Variants in SPOCK1 observed in about 807,000 individuals in gnomAD.
The protein encoded by SPOCK1 is testican-1.
Under a neutral mutation model 55.3 loss-of-function variants are expected in SPOCK1, and 23 were observed. The ratio of observed to expected loss-of-function variants is 0.42; its 90% CI spans 0.30 to 0.59. The LOEUF (loss-of-function observed/expected upper bound fraction) is 0.59. Ranked by LOEUF, SPOCK1 falls within the 20% of genes least tolerant of loss-of-function variation. The probability of loss-of-function intolerance (pLI) is 0.22; values close to 1 mark genes in which losing one functional copy is unlikely to be tolerated. For missense variants in SPOCK1, 499 were observed against 552.5 expected (o/e 0.90, Z 0.97); for synonymous variants, 226 against 221.0 (o/e 1.02, Z -0.20).
At chr5:136,990,325 C>A (rs1470093355) in intron 7 of SPOCK1, among the ~76,000 whole-genome samples, 1 of 151,960 alleles carries the variant, frequency 6.6e-6, no homozygotes, top group Non-Finnish European at 1.5e-5. Context: ...TGCTTCCCCT[C>A]ATTGTCCATG....
chr5:137,410,721 A>C (rs763937780), intron 2 of SPOCK1, among the ~76,000 whole-genome samples: 3 of 152,216 alleles, frequency 2.0e-5, no homozygotes, highest in Non-Finnish European at 4.4e-5. Context: ...CATGAGCTCG[A>C]GTTCAGAAGG....
chr5:137,365,517 A>G (rs151094910), intron 2 of SPOCK1: 8 of 152,358 alleles, frequency 5.3e-5, no homozygotes, highest in African/African-American at 1.9e-4. Context: ...AGGAACACCA[A>G]TGCTGGGGCA....
intron 2 of SPOCK1, among the ~76,000 whole-genome samples, chr5:137,483,234 G>A (rs937796515): frequency 1.3e-5 from 2 of 152,208 alleles, no homozygotes; most frequent in South Asian, 2.1e-4. Flanking sequence ...TCAGGAGGCT[G>A]GGATAGAAGA....
At chr5:137,216,805 T>C (rs1340304247) in intron 3 of SPOCK1, among the ~76,000 whole-genome samples, 1 of 152,130 alleles carries the variant, frequency 6.6e-6, no homozygotes, top group African/African-American at 2.4e-5. Flanking sequence ...CCTGGAGGAA[T>C]CAGGGGTCGG....
Position 137,222,115 on chromosome 5 carries a change from A to C in SPOCK1, c.232+44895T>G, listed in dbSNP as rs370821200. 4.6e-5 allele frequency among the ~76,000 whole-genome samples: 7 copies of C among 152,326 alleles called. No homozygotes were observed. In the East Asian group the frequency reaches 1.2e-3, roughly 25 times the overall value. On this transcript the variant is annotated intron_variant, in intron 3 of 10. Coordinates refer to ENST00000394945, the MANE Select transcript of SPOCK1 (RefSeq NM_004598.4). Reference sequence around the variant, plus strand: ...GGTACTCAAAACTCTGGCTTTTATCATGTCACATACATACGCCATCAGGAG... The same window carrying C: ...GGTACTCAAAACTCTGGCTTTTATCCTGTCACATACATACGCCATCAGGAG...
intron 4 of SPOCK1, among the ~76,000 whole-genome samples, chr5:137,115,866 T>C (rs191931613): frequency 1.6e-4 from 25 of 152,234 alleles, no homozygotes; most frequent in African/African-American, 5.1e-4. Flanking sequence ...TCAGTGCAAA[T>C]CATAAAAAAA....
intron 3 of SPOCK1, among the ~76,000 whole-genome samples, chr5:137,143,571 T>G (rs989221054): frequency 2.0e-5 from 3 of 152,330 alleles, no homozygotes; most frequent in African/African-American, 7.2e-5. Flanking sequence ...CACCTGCTAT[T>G]GCTTGGTGGT....
intron 2 of SPOCK1, among the ~76,000 whole-genome samples, chr5:137,386,273 T>C (rs970625543): frequency 6.6e-6 from 1 of 152,230 alleles, no homozygotes; most frequent in South Asian, 2.1e-4. Context: ...GAAGACTCAA[T>C]ATTATCAAGA....
intron 2 of SPOCK1, among the ~76,000 whole-genome samples, chr5:137,337,992 T>C (rs1046727373): frequency 1.3e-4 from 20 of 152,180 alleles, no homozygotes; most frequent in Admixed American, 1.3e-3. Context: ...TATCTGCAGA[T>C]TGGGACTAGT....
intron 5 of SPOCK1, among the ~76,000 whole-genome samples, chr5:137,086,345 G>T (rs191082976): frequency 6.6e-6 from 1 of 152,280 alleles, no homozygotes; most frequent in East Asian, 1.9e-4. Flanking sequence ...ACTGGACAAG[G>T]ACAGTAGCAG....
intron 2 of SPOCK1, among the ~76,000 whole-genome samples, chr5:137,323,341 C>G (rs986715171): frequency 6.6e-6 from 1 of 151,846 alleles, no homozygotes; most frequent in African/African-American, 2.4e-5. Flanking sequence ...ATATTCCATG[C>G]AAAAAGTAAC....
intron 2 of SPOCK1, among the ~76,000 whole-genome samples, chr5:137,351,883 C>T (rs1304412530): frequency 6.6e-6 from 1 of 152,166 alleles, no homozygotes; most frequent in East Asian, 1.9e-4. Context: ...AGCATGAATC[C>T]CAGCTCAGCC....
intron 4 of SPOCK1, among the ~76,000 whole-genome samples, chr5:137,131,989 A>AAATATATAT (rs1391176339): frequency 2.8e-5 from 1 of 36,054 alleles, no homozygotes; most frequent in African/African-American, 1.8e-4. Context: ...AAAAAAAAAA[A>AAATATATAT]ATATATATAT....
intron 2 of SPOCK1, among the ~76,000 whole-genome samples, chr5:137,439,373 A>G (rs1267701322): frequency 6.6e-6 from 1 of 152,226 alleles, no homozygotes; most frequent in Non-Finnish European, 1.5e-5. Context: ...CCAAAGTGTA[A>G]ACTAGCACAG....
At chr5:137,155,734 G>GT (rs1354521096) in intron 3 of SPOCK1, among the ~76,000 whole-genome samples, 2 of 152,166 alleles carry the variant, frequency 1.3e-5, no homozygotes, top group African/African-American at 4.8e-5. Flanking sequence ...ATGGACAATC[G>GT]TTTTTTAAAT....
At chr5:137,472,165 G>A (rs1394081521) in intron 2 of SPOCK1, among the ~76,000 whole-genome samples, 1 of 152,170 alleles carries the variant, frequency 6.6e-6, no homozygotes, top group Non-Finnish European at 1.5e-5. Flanking sequence ...AGCAGACCCT[G>A]TACACACTTG....
chr5:137,161,534 A>G (rs898764968), intron 3 of SPOCK1, among the ~76,000 whole-genome samples: 13 of 151,946 alleles, frequency 8.6e-5, no homozygotes, highest in African/African-American at 3.1e-4. Flanking sequence ...TCATCTACAC[A>G]TTTTTTATGA....
At chr5:137,099,547 C>T (rs1015601938) in intron 5 of SPOCK1, among the ~76,000 whole-genome samples, 1 of 150,880 alleles carries the variant, frequency 6.6e-6, no homozygotes, top group African/African-American at 2.4e-5. Context: ...CCCTGTTTTA[C>T]TAACAGATTT....
intron 2 of SPOCK1, among the ~76,000 whole-genome samples, chr5:137,361,119 G>A (rs145401985): frequency 7.2e-5 from 11 of 152,254 alleles, no homozygotes; most frequent in Admixed American, 4.6e-4. Flanking sequence ...TCTTCTCTAC[G>A]TGAGGATACA....
Sources: allele counts gnomAD v4.1 joint callset (sites outside exome capture counted in the v4.1 genomes callset), GRCh38; gene constraint gnomAD v4.1.1; transcripts MANE v1.5; gene names NCBI Gene and HGNC (gene_info 2026-07-23, HGNC 2026-07-21).